TBL1Y: variants seen among roughly 807,000 people sequenced by gnomAD.
TBL1Y encodes F-box-like/WD repeat-containing protein TBL1Y.
Under a neutral mutation model 12.0 loss-of-function variants are expected in TBL1Y, and 15 were observed. The ratio of observed to expected loss-of-function variants is 1.25; its 90% CI spans 0.83 to 1.92. The LOEUF (loss-of-function observed/expected upper bound fraction) is 1.92, where lower values mean the gene tolerates loss of function less well. Among genes scored for constraint, TBL1Y ranks in the 40% most tolerant of loss-of-function variants. The probability of loss-of-function intolerance (pLI) is 0.00; values close to 1 mark genes in which losing one functional copy is unlikely to be tolerated. For missense variants in TBL1Y, 148 were observed against 116.7 expected (o/e 1.27, Z -1.24); for synonymous variants, 53 against 42.6 (o/e 1.24, Z -0.95).
intron 7 of TBL1Y, among the ~76,000 whole-genome samples, chrY:7,051,042 GA>G (rs2012795194): frequency 6.0e-5 from 2 of 33,163 alleles, no homozygotes; most frequent in African/African-American, 2.4e-4. Context: ...TTTTATTCTT[GA>G]CACACAATTT....
intron 8 of TBL1Y, among the ~76,000 whole-genome samples, 198 bp downstream of exon 8, chrY:7,064,347 T>C: frequency 3.0e-5 from 1 of 33,403 alleles, no homozygotes; most frequent in Non-Finnish European, 7.4e-5. Flanking sequence ...CCAGACCTTC[T>C]TTACTCTCAT....
chrY:7,085,927 T>C lies in TBL1Y; in HGVS notation c.1107T>C (p.Pro369=). The C allele has an allele frequency of 2.5e-6, 1 of 397,794 alleles. No individual in the cohort carries two copies. The highest frequency in any genetic ancestry group is 3.0e-5 in the South Asian group (1 of 33,407). ...TNEVNAIKWD[P]SGMLLASCSD... ...AGGTCAATGCCATCAAATGGGATCC[T>C]TCTGGAATGTTGCTGGCGTCCTGCT... The change falls in exon 15 of 19, where the codon CCT becomes CCC. Residue 369 remains proline (P), a synonymous_variant. Coordinates refer to ENST00000383032, the MANE Select transcript of TBL1Y (RefSeq NM_033284.2).
At chrY:7,064,889 T>C (rs2012965756) in intron 8 of TBL1Y, among the ~76,000 whole-genome samples, 1 of 33,654 alleles carries the variant, frequency 3.0e-5, no homozygotes, top group Admixed American at 2.7e-4. Context: ...TATTAATGTC[T>C]CTTCTATTAA....
At chrY:7,020,270 G>C in intron 4 of TBL1Y, among the ~76,000 whole-genome samples, 1 of 33,380 alleles carries the variant, frequency 3.0e-5, no homozygotes, top group Non-Finnish European at 7.4e-5. Flanking sequence ...ATTTGTAGTT[G>C]ATAGAGGGTA....
intron 6 of TBL1Y, among the ~76,000 whole-genome samples, chrY:7,037,132 G>A: frequency 6.1e-5 from 2 of 33,037 alleles, no homozygotes; most frequent in South Asian, 1.4e-3. Flanking sequence ...AAGGCAGATA[G>A]GAGAGATATG....
At chrY:7,063,144 C>G in intron 7 of TBL1Y, among the ~76,000 whole-genome samples, 2 of 33,722 alleles carry the variant, frequency 5.9e-5, no homozygotes, top group South Asian at 6.9e-4. Flanking sequence ...GAGTCAGAGA[C>G]AGTCCCCAGT....
chrY:7,063,539 A>G (rs974882411), intron 7 of TBL1Y, among the ~76,000 whole-genome samples: 11 of 32,348 alleles, frequency 3.4e-4, no homozygotes, highest in Admixed American at 1.1e-3. Flanking sequence ...ATGAGTCAGG[A>G]TGGAGTAGGT....
At chrY:6,934,119 A>C in intron 2 of TBL1Y, among the ~76,000 whole-genome samples, 1 of 33,328 alleles carries the variant, frequency 3.0e-5, no homozygotes, top group Non-Finnish European at 7.4e-5. Context: ...AACCTGTTAG[A>C]AGCATTCATT....
intron 4 of TBL1Y, among the ~76,000 whole-genome samples, chrY:7,012,045 T>C (rs2012522024): frequency 3.0e-5 from 1 of 33,097 alleles, no homozygotes; most frequent in African/African-American, 1.2e-4. Context: ...GCAAGGAGGT[T>C]GGGATGTGGC....
chrY:6,986,098 C>T (rs753345811), intron 3 of TBL1Y, among the ~76,000 whole-genome samples: 214 of 32,634 alleles, frequency 6.6e-3, no homozygotes, highest in Admixed American at 0.017. Flanking sequence ...TCGTCATGCC[C>T]ACTGGTCTTC....
intron 3 of TBL1Y, among the ~76,000 whole-genome samples, chrY:6,988,531 G>A (rs2012336494): frequency 3.2e-5 from 1 of 30,856 alleles, no homozygotes; most frequent in African/African-American, 1.3e-4. Context: ...GTGGAGGTGC[G>A]CGCCTGTAAT....
At chrY:6,970,159 A>G (rs767538482) in intron 2 of TBL1Y, among the ~76,000 whole-genome samples, 3 of 33,331 alleles carry the variant, frequency 9.0e-5, no homozygotes, top group African/African-American at 3.5e-4. Flanking sequence ...CCACTATTCC[A>G]GTCTCTGCTT....
rs776253653 is a variant in TBL1Y at position 7,063,983 on chromosome Y, G to C, written c.291G>C (p.Gln97His). 6 of 396,447 alleles carry C rather than the reference G, an allele frequency of 1.5e-5. No individual in the cohort carries two copies. Among genetic ancestry groups the C allele is most frequent in the South Asian group, 3.0e-5 (1 of 33,231 alleles). ...VIPDVVQMRQ[Q>H]AFGEKLTQQQ... is the part of the protein sequence containing the mutation. ...CTGATGTGGTGCAGATGCGGCAGCAGGCATTTGGAGAGAAGCTCACTCAGC... is the reference window on the plus strand; with the variant it reads ...CTGATGTGGTGCAGATGCGGCAGCACGCATTTGGAGAGAAGCTCACTCAGC... Residue 97 changes from glutamine to histidine, a missense_variant, in exon 8 of 19, where the codon CAG (glutamine) becomes CAC (histidine). Gln to His is a conservative substitution (Grantham distance 24). Transcript: ENST00000383032.
chrY:6,928,356 G>T, intron 2 of TBL1Y, among the ~76,000 whole-genome samples: 1 of 33,971 alleles, frequency 2.9e-5, no homozygotes, highest in Admixed American at 2.7e-4. Flanking sequence ...GATGTCACAG[G>T]TTCCTTGGGG....
intron 2 of TBL1Y, among the ~76,000 whole-genome samples, chrY:6,914,798 A>C: frequency 3.0e-5 from 1 of 33,753 alleles, no homozygotes; most frequent in East Asian, 7.8e-4. Context: ...GAAATTGAAA[A>C]TAACTCACAG....
At chrY:6,927,086 C>T (rs2011831660) in intron 2 of TBL1Y, among the ~76,000 whole-genome samples, 1 of 31,952 alleles carries the variant, frequency 3.1e-5, no homozygotes, top group Non-Finnish European at 7.6e-5. Context: ...TGTGCCACCA[C>T]GCCCAGCTAA....
At chrY:7,071,342 G>C (rs560205617) in intron 10 of TBL1Y, among the ~76,000 whole-genome samples, 882 of 33,447 alleles carry the variant, frequency 0.026, no homozygotes, top group Middle Eastern at 0.2. Flanking sequence ...AGAACACAAA[G>C]TGGTGAATGG....
intron 2 of TBL1Y, among the ~76,000 whole-genome samples, chrY:6,952,340 C>T: frequency 3.0e-5 from 1 of 32,854 alleles, no homozygotes; most frequent in East Asian, 8.0e-4. Context: ...TAAGGACTTG[C>T]TTTATGAATC....
intron 4 of TBL1Y, among the ~76,000 whole-genome samples, chrY:7,013,864 A>G: frequency 5.8e-5 from 2 of 34,315 alleles, no homozygotes; most frequent in Middle Eastern, 0.027. Flanking sequence ...CTTTTGGCCA[A>G]TTTCTCTCTT....
Sources: allele counts gnomAD v4.1 joint callset (sites outside exome capture counted in the v4.1 genomes callset), GRCh38; gene constraint gnomAD v4.1.1; transcripts MANE v1.5; gene names NCBI Gene and HGNC (gene_info 2026-07-23, HGNC 2026-07-21).